Variants in PYY observed in about 807,000 individuals in gnomAD.
PYY encodes the protein peptide tyrosine tyrosine.
A neutral mutation model predicts 10.3 loss-of-function variants in PYY; 12 were observed. The observed-to-expected ratio is 1.17, with a 90% CI of 0.75 to 1.89. PYY has a LOEUF of 1.89. PYY is among the 40% of genes most tolerant of loss of function. PYY has a pLI of 0.00. For synonymous variants in PYY, 66 were observed against 62.0 expected (o/e 1.06, Z -0.30); for missense variants, 141 against 134.0 (o/e 1.05, Z -0.26).
intron 1 of PYY, among the ~76,000 whole-genome samples, chr17:43,969,129 A>C (rs1258363382): frequency 1.3e-5 from 2 of 152,054 alleles, no homozygotes; most frequent in Non-Finnish European, 2.9e-5. Context: ...AATATTAGAC[A>C]ACTGAACTCA....
chr17:43,972,763 C>A (rs2048803731), intron 1 of PYY, among the ~76,000 whole-genome samples: 1 of 152,042 alleles, frequency 6.6e-6, no homozygotes, highest in Non-Finnish European at 1.5e-5. Flanking sequence ...TGTCGCTAGG[C>A]TGGGGTGCAG....
intron 1 of PYY, among the ~76,000 whole-genome samples, chr17:43,992,621 T>C (rs1360794977): frequency 6.6e-6 from 1 of 151,716 alleles, no homozygotes; most frequent in East Asian, 1.9e-4. Context: ...GCAGGAGAAC[T>C]GCTTGAACCT....
chr17:44,001,104 C>T (rs1555620080), intron 1 of PYY, among the ~76,000 whole-genome samples: 1 of 152,124 alleles, frequency 6.6e-6, no homozygotes. Flanking sequence ...GTGTGTGTCT[C>T]CCCTCAGGAG....
chr17:43,991,854 C>A, intron 1 of PYY, among the ~76,000 whole-genome samples: 1 of 151,066 alleles, frequency 6.6e-6, no homozygotes, highest in East Asian at 1.9e-4. Flanking sequence ...GGCGCGGTGG[C>A]TCACGCCTGT....
intron 2 of PYY, among the ~76,000 whole-genome samples, chr17:43,960,117 A>G (rs2048701144): frequency 1.3e-5 from 2 of 152,244 alleles, no homozygotes; most frequent in South Asian, 4.1e-4. Context: ...GGTAGCTTAA[A>G]TATCATAGAT....
chr17:43,952,847 T>G lies in PYY; in HGVS notation c.*109A>C. The G allele has an allele frequency of 7.7e-7, 1 of 1,300,936 alleles. No individual in the cohort carries two copies. The allele number at this position is 1,300,936 out of a possible 1,614,324, so 80.6% of individuals were successfully genotyped here. On this transcript the variant is annotated 3_prime_UTR_variant, in exon 4 of 4. Transcript: ENST00000692052. Reference sequence around the variant, plus strand: ...CGGGCGGAGGGCCGCACCCGAACCCTGCCCAGACGCCGCCGTCGGGAGGCA... The same window carrying G: ...CGGGCGGAGGGCCGCACCCGAACCCGGCCCAGACGCCGCCGTCGGGAGGCA...
intron 1 of PYY, among the ~76,000 whole-genome samples, chr17:43,986,829 A>G (rs2048918849): frequency 6.6e-6 from 1 of 152,118 alleles, no homozygotes; most frequent in Non-Finnish European, 1.5e-5. Context: ...GTCACAAACT[A>G]TTTTTGGGAT....
chr17:43,957,981 T>C (rs2048685842), upstream of PYY: 1 of 154,582 alleles, frequency 6.5e-6, no homozygotes, highest in Admixed American at 6.6e-5. Flanking sequence ...TGTGGTGTGC[T>C]GCGCGCCCAA....
intron 1 of PYY, among the ~76,000 whole-genome samples, chr17:43,984,079 G>T (rs954999623): frequency 1.3e-5 from 2 of 152,240 alleles, no homozygotes; most frequent in Non-Finnish European, 2.9e-5. Context: ...CGTTTATCGG[G>T]CCATCGCTGA....
At chr17:43,983,322 G>A (rs1230458482) in intron 1 of PYY, among the ~76,000 whole-genome samples, 3 of 152,206 alleles carry the variant, frequency 2.0e-5, no homozygotes. Context: ...GGGTGGAGCT[G>A]ATGCCCTGAG....
At chr17:43,969,509 C>G (rs775704607) in intron 1 of PYY, among the ~76,000 whole-genome samples, 2 of 83,078 alleles carry the variant, frequency 2.4e-5, no homozygotes, top group South Asian at 7.0e-4. Flanking sequence ...GAGCAAGACT[C>G]TGTCTCAAAA....
intron 1 of PYY, among the ~76,000 whole-genome samples, chr17:43,995,172 G>C (rs1039936225): frequency 6.6e-6 from 1 of 152,212 alleles, no homozygotes; most frequent in Admixed American, 6.5e-5. Context: ...TTTGGCGGCT[G>C]GACCTGCGCC....
intron 1 of PYY, among the ~76,000 whole-genome samples, chr17:43,978,088 T>G (rs1279184926): frequency 1.3e-5 from 2 of 151,538 alleles, no homozygotes; most frequent in Admixed American, 1.3e-4. Flanking sequence ...CTACACTACT[T>G]GGGAGGCTGA....
At chr17:43,984,373 T>C (rs2048902860) in intron 1 of PYY, among the ~76,000 whole-genome samples, 1 of 152,182 alleles carries the variant, frequency 6.6e-6, no homozygotes, top group Non-Finnish European at 1.5e-5. Context: ...CCTCGGGAAT[T>C]CCTAAACACA....
At chr17:43,991,132 A>G (rs370831775) in intron 1 of PYY, among the ~76,000 whole-genome samples, 1 of 151,984 alleles carries the variant, frequency 6.6e-6, no homozygotes, top group Non-Finnish European at 1.5e-5. Context: ...GTCACCTGCA[A>G]TAAGATCTCA....
intron 1 of PYY, among the ~76,000 whole-genome samples, chr17:43,991,147 G>T (rs1597857853): frequency 6.6e-6 from 1 of 151,918 alleles, no homozygotes; most frequent in Non-Finnish European, 1.5e-5. Flanking sequence ...ATCTCAACTG[G>T]GGCCAGGCAC....
rs150835585 is a variant in PYY at position 43,975,759 on chromosome 17, CAT to C, written c.-462-9229_-462-9228del. 8.6e-5 allele frequency among the ~76,000 whole-genome samples: 2 copies of C among 23,188 alleles called. 1 individual carries two copies. Among genetic ancestry groups the C allele is most frequent in the Non-Finnish European group, 1.6e-4 (2 of 12,334 alleles). The allele number at this position is 23,188 out of a possible 152,430, so 15.2% of individuals were successfully genotyped here. ...ATATATATATATACACACACACACA[CAT>C]ATATATATACACACATATATACACG... On this transcript the variant is annotated intron_variant, in intron 1 of 6. Transcript: ENST00000360085.
chr17:43,977,058 C>G (rs1271373306), intron 1 of PYY, among the ~76,000 whole-genome samples: 1 of 152,184 alleles, frequency 6.6e-6, no homozygotes, highest in Non-Finnish European at 1.5e-5. Flanking sequence ...TTACCTCCAC[C>G]CTCTCATGTC....
intron 1 of PYY, among the ~76,000 whole-genome samples, chr17:43,977,461 A>G (rs1346074523): frequency 6.6e-6 from 1 of 152,068 alleles, no homozygotes; most frequent in Non-Finnish European, 1.5e-5. Context: ...ACCAGGACTC[A>G]TGCAAGGAGT....
Sources: gnomAD v4.1 joint callset for allele counts (sites outside exome capture counted in the v4.1 genomes callset) on GRCh38, gnomAD v4.1.1 for gene constraint, MANE v1.5 for transcripts, NCBI Gene and HGNC (gene_info 2026-07-23, HGNC 2026-07-21) for gene names.